Variants in KIF5C observed in about 807,000 individuals in gnomAD.
KIF5C encodes kinesin heavy chain isoform 5C.
Under a neutral mutation model 125.2 loss-of-function variants are expected in KIF5C, and 18 were observed. The ratio of observed to expected loss-of-function variants is 0.14; its 90% CI spans 0.10 to 0.21. The LOEUF is 0.21. Among genes scored for constraint, KIF5C ranks in the 10% least tolerant of loss-of-function variants. The pLI is 1.00. For synonymous variants in KIF5C, 405 were observed against 434.0 expected (o/e 0.93, Z 0.83); for missense variants, 780 against 1,183.8 (o/e 0.66, Z 5.01).
At chr2:148,943,909 A>C (rs9711454) in intron 7 of KIF5C, among the ~76,000 whole-genome samples, 1 of 152,100 alleles carries the variant, frequency 6.6e-6, no homozygotes. Context: ...CCTGGATGAA[A>C]TGTTGGTCAA....
At chr2:148,895,879 C>CACAG (rs1553459422) in intron 1 of KIF5C, among the ~76,000 whole-genome samples, 1 of 141,214 alleles carries the variant, frequency 7.1e-6, no homozygotes, top group South Asian at 2.2e-4. Flanking sequence ...CACACACCCA[C>CACAG]AGAGATCTGG....
At chr2:149,005,732 C>T (rs189009010) in intron 22 of KIF5C, among the ~76,000 whole-genome samples, 97 of 152,270 alleles carry the variant, frequency 6.4e-4, no homozygotes, top group African/African-American at 2.2e-3. Flanking sequence ...TTTCTGGCCC[C>T]CACTGTGTGA....
At chr2:148,906,845 G>A (rs1054595669) in intron 1 of KIF5C, among the ~76,000 whole-genome samples, 22 of 151,728 alleles carry the variant, frequency 1.4e-4, no homozygotes, top group Non-Finnish European at 2.1e-4. Context: ...CAGCCTGGGC[G>A]ACAGAGCAAG....
chr2:149,000,111 C>T (rs1264419600), intron 19 of KIF5C: 1 of 250,502 alleles, frequency 4.0e-6, no homozygotes, highest in African/African-American at 2.2e-5. Flanking sequence ...GTTCTTCTGA[C>T]ATGGGCTCTC....
At chr2:149,019,658 T>C (rs1404389706) in intron 25 of KIF5C, among the ~76,000 whole-genome samples, 1 of 152,194 alleles carries the variant, frequency 6.6e-6, no homozygotes, top group Non-Finnish European at 1.5e-5. Context: ...ATAAATCCAC[T>C]TCTATTCAGC....
At chr2:148,931,832 G>A (rs1682192397) in intron 3 of KIF5C, among the ~76,000 whole-genome samples, 1 of 152,126 alleles carries the variant, frequency 6.6e-6, no homozygotes, top group South Asian at 2.1e-4. Context: ...ACTGGGTTCT[G>A]GACAGGTTTC....
intron 10 of KIF5C, among the ~76,000 whole-genome samples, chr2:148,961,389 T>C (rs1003910161): frequency 5.9e-5 from 9 of 152,134 alleles, no homozygotes; most frequent in African/African-American, 2.2e-4. Flanking sequence ...GAGGCATGTG[T>C]TGATGTGATA....
chr2:148,972,292 A>G (rs572301789), intron 11 of KIF5C, among the ~76,000 whole-genome samples: 1 of 152,292 alleles, frequency 6.6e-6, no homozygotes, highest in African/African-American at 2.4e-5. Context: ...TTTTTACAAA[A>G]TGGATTTTGT....
intron 19 of KIF5C, 110 bp downstream of exon 19, chr2:148,998,619 T>G (rs1047414406): frequency 4.6e-5 from 68 of 1,480,436 alleles, no homozygotes; most frequent in Non-Finnish European, 6.2e-5. Context: ...CCTTGCCCTG[T>G]GGGCACTGCC....
At chr2:149,010,394 G>T in intron 24 of KIF5C, 43 bp downstream of exon 24, 1 of 1,497,486 alleles carries the variant, frequency 6.7e-7, no homozygotes, top group South Asian at 1.3e-5. Flanking sequence ...AGAAGCTACT[G>T]CGGCCTCTCA....
intron 25 of KIF5C, among the ~76,000 whole-genome samples, chr2:149,019,791 A>C (rs570341004): frequency 6.6e-6 from 1 of 152,382 alleles, no homozygotes; most frequent in South Asian, 2.1e-4. Flanking sequence ...AGCAATTGCA[A>C]AAGCCCAAGT....
intron 14 of KIF5C, among the ~76,000 whole-genome samples, chr2:148,983,137 A>T (rs867318802): frequency 2.0e-5 from 3 of 152,108 alleles, no homozygotes; most frequent in Non-Finnish European, 4.4e-5. Flanking sequence ...TTCTAAACTT[A>T]TTAATGTTCT....
At chr2:148,973,292 C>G in intron 11 of KIF5C, 44 bp from the exon 12 acceptor site, 2 of 1,576,288 alleles carry the variant, frequency 1.3e-6, no homozygotes, top group South Asian at 1.2e-5. Flanking sequence ...GGGTTGCATA[C>G]TCAATTTCTT....
chr2:148,988,168 T>TA (rs1205574810), intron 15 of KIF5C, among the ~76,000 whole-genome samples: 1 of 151,178 alleles, frequency 6.6e-6, no homozygotes. Context: ...TTTTTTTTTT[T>TA]AAATAACAGT....
intron 15 of KIF5C, among the ~76,000 whole-genome samples, chr2:148,987,444 A>C (rs995527926): frequency 4.6e-5 from 7 of 152,168 alleles, no homozygotes; most frequent in African/African-American, 1.4e-4. Context: ...GGTTGTGTTG[A>C]AATTGCAAAA....
chr2:148,938,336 A>C (rs1003071020), intron 4 of KIF5C, among the ~76,000 whole-genome samples: 1 of 152,168 alleles, frequency 6.6e-6, no homozygotes, highest in African/African-American at 2.4e-5. Context: ...GTATAGTTTG[A>C]TGGTTTTTAA....
At chr2:148,907,819 C>G (rs2105063345) in intron 1 of KIF5C, among the ~76,000 whole-genome samples, 1 of 152,308 alleles carries the variant, frequency 6.6e-6, no homozygotes, top group East Asian at 1.9e-4. Context: ...GACTCTGTGG[C>G]TCAGGGGCAG....
intron 1 of KIF5C, among the ~76,000 whole-genome samples, chr2:148,917,410 A>G (rs1168972757): frequency 6.6e-6 from 1 of 152,260 alleles, no homozygotes; most frequent in East Asian, 1.9e-4. Flanking sequence ...CCCTTGAAGT[A>G]AGGGCCTGGC....
intron 13 of KIF5C, among the ~76,000 whole-genome samples, chr2:148,980,080 C>CCT (rs1009109602): frequency 6.6e-6 from 1 of 152,182 alleles, no homozygotes; most frequent in African/African-American, 2.4e-5. Flanking sequence ...CAATCCCAGG[C>CCT]CTCTGTAGGC....
Sources: gnomAD v4.1 joint callset for allele counts (sites outside exome capture counted in the v4.1 genomes callset) on GRCh38, gnomAD v4.1.1 for gene constraint, MANE v1.5 for transcripts, NCBI Gene and HGNC (gene_info 2026-07-23, HGNC 2026-07-21) for gene names.